The following PAXIP1 variants were observed in gnomAD, a reference collection of about 807,000 sequenced individuals.
PAXIP1 encodes PAX-interacting protein 1.
Under a neutral mutation model 140.6 loss-of-function variants are expected in PAXIP1, and 19 were observed. The observed-to-expected ratio is 0.14, with a 90% CI of 0.09 to 0.20. PAXIP1 has a LOEUF of 0.20. Among genes scored for constraint, PAXIP1 ranks in the 10% least tolerant of loss-of-function variants. The pLI, the probability that PAXIP1 is intolerant of heterozygous loss-of-function variation, is 1.00. For synonymous variants in PAXIP1, 442 were observed against 444.6 expected, an observed-to-expected ratio of 0.99 and a Z score of 0.07; for missense variants, 920 against 1,208.6, an observed-to-expected ratio of 0.76 and a Z score of 3.54.
intron 16 of PAXIP1, among the ~76,000 whole-genome samples, chr7:154,953,162 G>A (rs914405413): frequency 6.6e-6 from 1 of 152,152 alleles, no homozygotes; most frequent in Non-Finnish European, 1.5e-5. Flanking sequence ...AGAGTGTAAC[G>A]GGACCTAGTA....
chr7:154,950,679 T>A (rs766333385), intron 16 of PAXIP1: 1 of 152,252 alleles, frequency 6.6e-6, no homozygotes. Context: ...AACCTGTACA[T>A]GGATGTTTTA....
rs1291989761 is a variant in PAXIP1, at chr7:154,956,877, G to C, written c.2549+347C>G. 2.1e-5 allele frequency: 4 copies of C among 189,150 alleles called. No homozygotes were observed. The highest frequency in any genetic ancestry group is 9.5e-5 in the African/African-American group (4 of 42,324). 11.7% of individuals were successfully genotyped at this position (189,150 alleles called of 1,614,324 possible). ...CACGCTCTCTTGGCATGTACAGCAG[G>C]TTCTTCAGCCGTGCCCAGGAGGCCT... On this transcript the variant is annotated intron_variant, in intron 14 of 20. Transcript: ENST00000404141. This position sits in a 1 kb window ranked among gnomAD's most constrained non-coding sequence, Gnocchi z 4.2.
At position 154,976,048 on chromosome 7, in the gene PAXIP1, T is replaced by C. The variant is rs537234680; in HGVS notation, c.722A>G (p.Glu241Gly). The change falls in exon 6 of 21, where the codon GAA becomes GGA. Residue 241 changes from glutamate to glycine, a missense_variant. Coordinates refer to ENST00000404141, the MANE Select transcript of PAXIP1 (RefSeq NM_007349.4). ...AAACATTAATTCCCCTTTAGATTTTTCAGTGTTGGATTTAGGTGAAAACTG... is the reference window on the plus strand; with the variant it reads ...AAACATTAATTCCCCTTTAGATTTTCCAGTGTTGGATTTAGGTGAAAACTG... ...DQQFSPKSNT[E>G]KSKGELMFDD... 4.4e-6 allele frequency: 7 copies of C among 1,602,834 alleles called. No individual in the cohort carries two copies. In the East Asian group the frequency reaches 1.6e-4, roughly 36 times the overall value.
rs765734080 is a variant in PAXIP1, at chr7:154,976,219, C to A, written c.551G>T (p.Arg184Leu). The change falls in exon 6 of 21, where the codon CGT becomes CTT. Residue 184 changes from arginine (R) to leucine (L), a missense_variant. By Grantham distance (102) the Arg-to-Leu change is moderately radical. Coordinates refer to ENST00000404141, the MANE Select transcript of PAXIP1 (RefSeq NM_007349.4). ...TKKDEAFYHP[R>L]LIIYEEEEEE... ...TTCTTCCTCTTCATAAATAATCAGA[C>A]GAGGATGATAAAATGCTTCGTCCTT... The A allele has an allele frequency of 6.2e-7, 1 of 1,613,370 alleles. No individual in the cohort carries two copies. Among genetic ancestry groups the A allele is most frequent in the African/African-American group, 1.3e-5 (1 of 74,872 alleles).
chr7:154,948,999 A>C (rs1808139679), intron 16 of PAXIP1: 1 of 152,170 alleles, frequency 6.6e-6, no homozygotes, highest in Admixed American at 6.5e-5. Flanking sequence ...CATTTTAAGA[A>C]ATGTGTCAAA....
Position 154,961,580 on chromosome 7 carries a change from A to G in PAXIP1, c.2196T>C (p.Gly732=). ...GGCATAGATAACCCGTATATTTGGC[A>G]CCTGCCAAATAAGCCATTAATTTTA... ...DDLKLMAYLA[G]AKYTGYLCRS... Residue 732 remains glycine (G), a synonymous_variant, in exon 11 of 21, where the codon GGT becomes GGC. Transcript: ENST00000404141. The G allele has an allele frequency of 6.2e-7, 1 of 1,607,138 alleles. No homozygotes were observed. The highest frequency in any genetic ancestry group is 1.1e-5 in the South Asian group (1 of 89,688).
chr7:154,965,937 G>C (rs1169800040), intron 8 of PAXIP1, among the ~76,000 whole-genome samples: 1 of 152,072 alleles, frequency 6.6e-6, no homozygotes, highest in African/African-American at 2.4e-5. Context: ...GCTCCTCCTG[G>C]AAGTCTCTCT....
chr7:154,998,749 T>G lies in PAXIP1; in HGVS notation c.117A>C (p.Glu39Asp), dbSNP rs541708292. The G allele has an allele frequency of 1.2e-6, 2 of 1,613,158 alleles. No individual in the cohort carries two copies. The highest frequency in any genetic ancestry group is 2.2e-5 in the East Asian group (1 of 44,868). The change falls in exon 2 of 21, where the codon GAA becomes GAC. Residue 39 changes from glutamate (E) to aspartate (D), a missense_variant. Coordinates refer to ENST00000404141, the MANE Select transcript of PAXIP1 (RefSeq NM_007349.4). ...IQLLKAGKAK[E>D]VSYNALASHI... The stretch of plus-strand genomic sequence containing the variant: ...GTGAGGCTAGTGCATTGTAGGAAAC[T>G]TCCTTCGCTTTTCCAGCCTTGAGAA...
At chr7:154,962,679 C>A in intron 9 of PAXIP1, 1 of 394,792 alleles carries the variant, frequency 2.5e-6, no homozygotes, top group Non-Finnish European at 4.6e-6. Flanking sequence ...CAAGAGTCTA[C>A]AAAAGCAACA....
chr7:154,954,996 T>C lies in PAXIP1; in HGVS notation c.2652+533A>G, dbSNP rs1320857147. Among the ~76,000 whole-genome samples, 3 of 152,216 alleles carry C rather than the reference T, an allele frequency of 2.0e-5. No homozygotes were observed. Among genetic ancestry groups the C allele is most frequent in the Non-Finnish European group, 4.4e-5 (3 of 68,036 alleles). Reference sequence around the variant, plus strand: ...AGTAAAATGTACGAATCCACCATAATACAGGTCAACTTATACTCTTAACCA... The same window carrying C: ...AGTAAAATGTACGAATCCACCATAACACAGGTCAACTTATACTCTTAACCA... On this transcript the variant is annotated intron_variant, in intron 15 of 20. Coordinates refer to ENST00000404141, the MANE Select transcript of PAXIP1 (RefSeq NM_007349.4). The surrounding 1 kb of genome is among the most constrained non-coding windows in gnomAD (Gnocchi z 5.1).
At chr7:154,959,839 G>GC (rs1808680206) in intron 13 of PAXIP1, 51 bp downstream of exon 13, 1 of 1,134,756 alleles carries the variant, frequency 8.8e-7, no homozygotes, top group Admixed American at 1.8e-5. Flanking sequence ...CATCCCTACT[G>GC]CATCTTAATA....
intron 8 of PAXIP1, 151 bp downstream of exon 8, chr7:154,967,665 G>T: frequency 8.4e-6 from 5 of 594,038 alleles, no homozygotes; most frequent in Non-Finnish European, 1.5e-5. Context: ...CTGTGCCTCA[G>T]GTCACACAGA....
rs771115621 is a variant in PAXIP1 at position 154,944,169 on chromosome 7, G to C, written c.3195-5C>G. The C allele has an allele frequency of 6.3e-7, 1 of 1,599,428 alleles. No individual in the cohort carries two copies. The stretch of plus-strand genomic sequence containing the variant: ...CGCCATCAGTTAAACTTATATGTAG[G>C]CTTGTTGAGGAAAACGACTTTCAAA... On this transcript the variant is annotated splice_polypyrimidine_tract_variant and splice_region_variant and intron_variant, in intron 20 of 20. Transcript: ENST00000404141.
At chr7:154,987,716 T>A (rs1810138912) in intron 4 of PAXIP1, among the ~76,000 whole-genome samples, 1 of 152,186 alleles carries the variant, frequency 6.6e-6, no homozygotes. Flanking sequence ...ACTGAAACAA[T>A]GACATAATCT....
At chr7:154,993,666 C>A (rs1585084984) in intron 3 of PAXIP1, 60 bp downstream of exon 3, 1 of 1,248,976 alleles carries the variant, frequency 8.0e-7, no homozygotes, top group Admixed American at 2.0e-5. Flanking sequence ...ACTATCATTT[C>A]TTTCAGTCTT....
At chr7:154,991,497 G>A (rs757800920) in intron 3 of PAXIP1, among the ~76,000 whole-genome samples, 1 of 152,220 alleles carries the variant, frequency 6.6e-6, no homozygotes, top group Non-Finnish European at 1.5e-5. Context: ...CCACTGCACA[G>A]TAGGAAGAAT....
chr7:154,976,258 G>A lies in PAXIP1; in HGVS notation c.512C>T (p.Ser171Leu), dbSNP rs751250291. 1.4e-5 allele frequency: 23 copies of A among 1,613,842 alleles called. No individual in the cohort carries two copies. The highest frequency in any genetic ancestry group is 1.9e-5 in the Non-Finnish European group (23 of 1,179,870). The change falls in exon 6 of 21, where the codon TCA (serine) becomes TTA (leucine). Residue 171 changes from serine to leucine, a missense_variant. Ser to Leu is a moderately radical substitution (Grantham distance 145). Coordinates refer to ENST00000404141, the MANE Select transcript of PAXIP1 (RefSeq NM_007349.4). ...VTPDWVLDCV[S>L]EKTKKDEAFY... is the part of the protein sequence containing the mutation. ...TGCTTCGTCCTTTTTGGTTTTCTCT[G>A]ATACGCAATCCAGAACCCAGTCAGG...
chr7:154,960,022 C>A (rs1011003027), intron 12 of PAXIP1, 89 bp from the exon 13 acceptor site: 1 of 819,598 alleles, frequency 1.2e-6, no homozygotes. Context: ...ATAATCCTCA[C>A]CAGACAGGTG....
chr7:154,952,390 C>A (rs1808312418), intron 16 of PAXIP1, among the ~76,000 whole-genome samples: 1 of 152,180 alleles, frequency 6.6e-6, no homozygotes, highest in South Asian at 2.1e-4. Flanking sequence ...CCTGTTCCAG[C>A]TGAAATGGTG....
Sources: gnomAD v4.1 joint callset for allele counts (sites outside exome capture counted in the v4.1 genomes callset) on GRCh38, gnomAD v4.1.1 for gene constraint, Gnocchi (gnomAD v3.1) non-coding constraint, MANE v1.5 for transcripts, NCBI Gene and HGNC (gene_info 2026-07-23, HGNC 2026-07-21) for gene names.